OTUD7A: variants seen among roughly 807,000 people sequenced by gnomAD.
The protein encoded by OTUD7A is OTU deubiquitinase 7A.
A neutral mutation model predicts 65.7 loss-of-function variants in OTUD7A; 12 were observed. The ratio of observed to expected loss-of-function variants is 0.18; its 90% CI spans 0.12 to 0.30. OTUD7A has a LOEUF of 0.30. OTUD7A is among the 10% of genes least tolerant of loss of function. OTUD7A has a pLI of 1.00. For missense variants in OTUD7A, 1,148 were observed against 1,304.8 expected, an observed-to-expected ratio of 0.88 and a Z score of 1.85; for synonymous variants, 641 against 586.3, an observed-to-expected ratio of 1.09 and a Z score of -1.35.
intron 1 of OTUD7A, among the ~76,000 whole-genome samples, chr15:31,717,335 C>T (rs1893617451): frequency 6.6e-6 from 1 of 152,062 alleles, no homozygotes; most frequent in South Asian, 2.1e-4. Flanking sequence ...TGGTTTGCTG[C>T]ACTCATCAAC....
intron 1 of OTUD7A, among the ~76,000 whole-genome samples, chr15:31,744,737 GAA>G (rs1410633582): frequency 6.6e-6 from 1 of 152,064 alleles, no homozygotes; most frequent in East Asian, 1.9e-4. Context: ...AAGGAAAAAT[GAA>G]AAGTTTTGCT....
intron 1 of OTUD7A, among the ~76,000 whole-genome samples, chr15:31,798,262 TGA>T (rs761961949): frequency 6.6e-6 from 1 of 152,148 alleles, no homozygotes; most frequent in Admixed American, 6.5e-5. Context: ...CCCAAAATTC[TGA>T]GAGAGGGTGG....
intron 1 of OTUD7A, among the ~76,000 whole-genome samples, chr15:31,821,853 G>A (rs1297152904): frequency 5.9e-5 from 9 of 152,156 alleles, no homozygotes; most frequent in Non-Finnish European, 1.0e-4. Flanking sequence ...TTTTTGTGTT[G>A]TAATGACTGA....
At chr15:31,803,531 A>G (rs1361679720) in intron 1 of OTUD7A, among the ~76,000 whole-genome samples, 1 of 152,186 alleles carries the variant, frequency 6.6e-6, no homozygotes, top group East Asian at 1.9e-4. Flanking sequence ...CTTGCTGAGA[A>G]CACTGGGGGA....
At chr15:31,719,220 G>A (rs1054889923) in intron 1 of OTUD7A, among the ~76,000 whole-genome samples, 1 of 152,158 alleles carries the variant, frequency 6.6e-6, no homozygotes, top group Non-Finnish European at 1.5e-5. Flanking sequence ...TGGGATCACA[G>A]GCGTGCACCA....
intron 1 of OTUD7A, among the ~76,000 whole-genome samples, chr15:31,761,108 G>A (rs1894950748): frequency 6.6e-6 from 1 of 151,982 alleles, no homozygotes; most frequent in Non-Finnish European, 1.5e-5. Flanking sequence ...GTAAATCTTT[G>A]TAATCTTGAG....
At chr15:31,579,267 G>A (rs571272991) in intron 3 of OTUD7A, among the ~76,000 whole-genome samples, 2 of 152,350 alleles carry the variant, frequency 1.3e-5, no homozygotes, top group Admixed American at 1.3e-4. Flanking sequence ...AACAAATACT[G>A]TAATAAAAAA....
At chr15:31,524,093 T>C (rs1170999950) in intron 8 of OTUD7A, among the ~76,000 whole-genome samples, 2 of 152,294 alleles carry the variant, frequency 1.3e-5, no homozygotes, top group African/African-American at 4.8e-5. Flanking sequence ...AGCAACTCTG[T>C]TTGGTAGATT....
intron 3 of OTUD7A, among the ~76,000 whole-genome samples, chr15:31,613,742 T>C (rs1033806989): frequency 1.2e-4 from 13 of 106,328 alleles, no homozygotes; most frequent in Non-Finnish European, 1.8e-5. Flanking sequence ...GTATGGAGAT[T>C]CCTTAAAGAA....
chr15:31,622,498 C>T (rs1437611300), intron 3 of OTUD7A, among the ~76,000 whole-genome samples: 1 of 152,126 alleles, frequency 6.6e-6, no homozygotes, highest in Non-Finnish European at 1.5e-5. Context: ...TCTCTTCTTG[C>T]TTCATATCAT....
intron 1 of OTUD7A, among the ~76,000 whole-genome samples, chr15:31,864,360 G>A (rs1224247432): frequency 6.6e-6 from 1 of 152,152 alleles, no homozygotes; most frequent in Non-Finnish European, 1.5e-5. Flanking sequence ...TGCTGATAAA[G>A]ACATATGCGA....
In OTUD7A at chr15:31,484,542, G is replaced by A; in HGVS notation, c.1554C>T (p.Asp518=). ...QRKEKDKTRA[D]SVANKLGSFS... Reference sequence around the variant, plus strand: ...AGCTGCCCAGCTTGTTGGCCACGGAGTCGGCGCGCGTCTTGTCCTTCTCCT... The same window carrying A: ...AGCTGCCCAGCTTGTTGGCCACGGAATCGGCGCGCGTCTTGTCCTTCTCCT... The change falls in exon 13 of 13, where the codon GAC becomes GAT. Residue 518 remains aspartate, a synonymous_variant. Coordinates refer to ENST00000307050, the MANE Select transcript of OTUD7A (RefSeq NM_001382637.1). This position sits in a 1 kb window ranked among gnomAD's most constrained non-coding sequence, Gnocchi z 4.5. The A allele has an allele frequency of 6.2e-7, 1 of 1,611,326 alleles. No homozygotes were observed.
intron 5 of OTUD7A, among the ~76,000 whole-genome samples, chr15:31,537,123 G>A (rs989806020): frequency 1.3e-5 from 2 of 152,146 alleles, no homozygotes; most frequent in African/African-American, 4.8e-5. Context: ...AAGACTGCGA[G>A]TAAGCTTGAA....
At chr15:31,577,730 G>T (rs557752834) in intron 3 of OTUD7A, among the ~76,000 whole-genome samples, 4 of 150,874 alleles carry the variant, frequency 2.7e-5, no homozygotes, top group South Asian at 4.2e-4. Context: ...ACAGAATTTG[G>T]TTTTTCCATC....
At chr15:31,575,087 G>A (rs67989702) in intron 3 of OTUD7A, among the ~76,000 whole-genome samples, 5,654 of 152,160 alleles carry the variant, frequency 0.037, 165 homozygotes, top group Middle Eastern at 0.078. Context: ...AACTCAGGGG[G>A]GAAAAGGAGT....
intron 1 of OTUD7A, among the ~76,000 whole-genome samples, chr15:31,785,485 C>A (rs1452551253): frequency 2.0e-5 from 3 of 152,080 alleles, no homozygotes; most frequent in Non-Finnish European, 4.4e-5. Flanking sequence ...ATTTCCAGAC[C>A]TGGCCTCTGG....
chr15:31,853,237 C>T (rs185257273), intron 1 of OTUD7A, among the ~76,000 whole-genome samples: 68 of 152,260 alleles, frequency 4.5e-4, no homozygotes, highest in Non-Finnish European at 8.1e-4. Context: ...ACAAGAAGTC[C>T]CCAAAGATTA....
intron 3 of OTUD7A, among the ~76,000 whole-genome samples, chr15:31,622,384 C>A (rs957316088): frequency 1.3e-5 from 2 of 152,154 alleles, no homozygotes; most frequent in African/African-American, 4.8e-5. Flanking sequence ...CATTCGCCCC[C>A]TCACTTTCAG....
intron 1 of OTUD7A, among the ~76,000 whole-genome samples, chr15:31,806,647 T>C (rs1896277944): frequency 6.6e-6 from 1 of 152,172 alleles, no homozygotes; most frequent in Non-Finnish European, 1.5e-5. Flanking sequence ...TCAGCCACTG[T>C]CCCTCCATCA....
Sources: gnomAD v4.1 joint callset for allele counts (sites outside exome capture counted in the v4.1 genomes callset) on GRCh38, gnomAD v4.1.1 for gene constraint, Gnocchi (gnomAD v3.1) non-coding constraint, MANE v1.5 for transcripts, NCBI Gene and HGNC (gene_info 2026-07-23, HGNC 2026-07-21) for gene names.